The following CSMD2 variants were observed in gnomAD, a reference collection of about 807,000 sequenced individuals.
CSMD2 encodes the protein CUB and Sushi multiple domains 2, also known as CUB and sushi domain-containing protein 2.
Under a neutral mutation model 398.5 loss-of-function variants are expected in CSMD2, and 130 were observed. The observed-to-expected ratio is 0.33, with a 90% CI of 0.28 to 0.38. The LOEUF (loss-of-function observed/expected upper bound fraction) is 0.38, where lower values mean the gene tolerates loss of function less well. Ranked by LOEUF, CSMD2 falls within the 10% of genes least tolerant of loss-of-function variation. CSMD2 has a pLI of 1.00. For synonymous variants in CSMD2, 1,828 were observed against 1,908.5 expected (o/e 0.96, Z 1.10); for missense variants, 3,829 against 4,764.9 (o/e 0.80, Z 5.78).
chr1:33,931,375 G>C (rs1644307368), intron 4 of CSMD2, among the ~76,000 whole-genome samples: 1 of 152,146 alleles, frequency 6.6e-6, no homozygotes, highest in Non-Finnish European at 1.5e-5. Flanking sequence ...AGGAAGAACA[G>C]TTTGGGAAAT....
chr1:33,584,706 T>TA (rs1638960981), intron 46 of CSMD2, among the ~76,000 whole-genome samples: 1 of 150,876 alleles, frequency 6.6e-6, no homozygotes, highest in Admixed American at 6.6e-5. Context: ...TATATATATA[T>TA]TATGAAATAA....
chr1:33,615,651 A>T (rs1365502816), intron 39 of CSMD2, among the ~76,000 whole-genome samples: 2 of 152,222 alleles, frequency 1.3e-5, no homozygotes, highest in Non-Finnish European at 2.9e-5. Flanking sequence ...TTTACTTGGG[A>T]CAAGGCTGGC....
intron 3 of CSMD2, among the ~76,000 whole-genome samples, chr1:33,986,775 G>A (rs1007101675): frequency 7.2e-5 from 11 of 152,214 alleles, no homozygotes; most frequent in African/African-American, 2.7e-4. Context: ...GTAACTCAGG[G>A]CACTGGGCAT....
chr1:33,653,706 C>A (rs570495023), intron 27 of CSMD2, among the ~76,000 whole-genome samples: 157 of 152,088 alleles, frequency 1.0e-3, no homozygotes, highest in Non-Finnish European at 1.5e-3. Context: ...TGTACCGTGG[C>A]ATGAGGACTG....
chr1:33,570,675 G>A (rs755854095), intron 51 of CSMD2, among the ~76,000 whole-genome samples: 2 of 152,174 alleles, frequency 1.3e-5, no homozygotes, highest in Non-Finnish European at 2.9e-5. Flanking sequence ...TTCCCCAGCT[G>A]CTGGAAAACA....
At chr1:34,057,046 A>T (rs1019653250) in intron 2 of CSMD2, among the ~76,000 whole-genome samples, 1 of 152,280 alleles carries the variant, frequency 6.6e-6, no homozygotes, top group East Asian at 1.9e-4. Flanking sequence ...GCTCCAACCA[A>T]TGAACTATGG....
At chr1:33,801,894 A>G (rs999368807) in intron 10 of CSMD2, among the ~76,000 whole-genome samples, 1 of 152,194 alleles carries the variant, frequency 6.6e-6, no homozygotes, top group East Asian at 1.9e-4. Context: ...TGGGGCAGAG[A>G]GACCACTGTG....
chr1:34,131,010 A>G (rs932399820), intron 1 of CSMD2, among the ~76,000 whole-genome samples: 1 of 152,090 alleles, frequency 6.6e-6, no homozygotes, highest in Non-Finnish European at 1.5e-5. Flanking sequence ...TGTTCAATAA[A>G]TGCTTGCATT....
intron 47 of CSMD2, among the ~76,000 whole-genome samples, chr1:33,581,550 A>G (rs796360862): frequency 0.042 from 5,876 of 140,056 alleles, 102 homozygotes; most frequent in African/African-American, 0.054. Context: ...AAAAAAAAAA[A>G]AAAAGAAAAG....
intron 25 of CSMD2, among the ~76,000 whole-genome samples, chr1:33,680,412 A>G (rs1204898329): frequency 2.6e-5 from 4 of 152,028 alleles, no homozygotes; most frequent in African/African-American, 9.7e-5. Flanking sequence ...GTTACTCTAC[A>G]CATCACGGTA....
At chr1:33,754,887 G>T (rs1648776070) in intron 13 of CSMD2, among the ~76,000 whole-genome samples, 1 of 152,086 alleles carries the variant, frequency 6.6e-6, no homozygotes, top group Non-Finnish European at 1.5e-5. Context: ...TTTGAAAATT[G>T]AGAGTGTTGC....
chr1:33,572,573 A>G lies in CSMD2; in HGVS notation c.7695T>C (p.Ala2565=). ...TGTCCAGACACTCTGCAGTGGCCTCAGCGCCTGCCTGGAGGTGGTAGCCTT... is the reference window on the plus strand; with the variant it reads ...TGTCCAGACACTCTGCAGTGGCCTCGGCGCCTGCCTGGAGGTGGTAGCCTT... ...CSEGYHLQAG[A]EATAECLDTG... Residue 2565 remains alanine (A), a synonymous_variant, in exon 50 of 71, where the codon GCT becomes GCC. Coordinates refer to ENST00000373381, the MANE Select transcript of CSMD2 (RefSeq NM_001281956.2). 1 of 1,614,128 alleles carries G rather than the reference A, an allele frequency of 6.2e-7. No individual in the cohort carries two copies. The highest frequency in any genetic ancestry group is 1.3e-5 in the African/African-American group (1 of 75,050).
intron 3 of CSMD2, among the ~76,000 whole-genome samples, chr1:34,020,524 T>C (rs1411124116): frequency 6.6e-6 from 1 of 152,118 alleles, no homozygotes; most frequent in African/African-American, 2.4e-5. Flanking sequence ...GTCATGCTGC[T>C]GGCCCACCCG....
At chr1:33,741,987 C>T (rs1476442958) in intron 14 of CSMD2, among the ~76,000 whole-genome samples, 1 of 152,222 alleles carries the variant, frequency 6.6e-6, no homozygotes, top group African/African-American at 2.4e-5. Flanking sequence ...TTAGCACACA[C>T]CAGGCCCTGT....
At chr1:34,016,324 G>A (rs1302552022) in intron 3 of CSMD2, among the ~76,000 whole-genome samples, 2 of 151,620 alleles carry the variant, frequency 1.3e-5, no homozygotes, top group African/African-American at 2.4e-5. Context: ...CCCCCAATAG[G>A]CCCTAGAGTG....
In CSMD2 at chr1:33,518,091, C is replaced by T. The variant is rs748778919; in HGVS notation, c.*53+1374G>A. ...GTGGCCCACTTGGCGGATTTTCCAC[C>T]GCCCTCACTGGGAATCCCTACCTGG... On this transcript the variant is annotated intron_variant, in intron 70 of 70. Coordinates refer to ENST00000373381, the MANE Select transcript of CSMD2 (RefSeq NM_001281956.2). This position sits in a 1 kb window ranked among gnomAD's most constrained non-coding sequence, Gnocchi z 4.3. 6.6e-6 allele frequency among the ~76,000 whole-genome samples: 1 copy of T among 152,240 alleles called. No individual in the cohort carries two copies. The highest frequency in any genetic ancestry group is 2.4e-5 in the African/African-American group (1 of 41,466).
In CSMD2 at chr1:33,600,923, G is replaced by T; in HGVS notation, c.6798C>A (p.Val2266=). 6.2e-7 allele frequency: 1 copy of T among 1,614,120 alleles called. No individual in the cohort carries two copies. The highest frequency in any genetic ancestry group is 8.5e-7 in the Non-Finnish European group (1 of 1,180,026). Residue 2266 remains valine, a synonymous_variant, in exon 44 of 71, where the codon GTC becomes GTA. Coordinates refer to ENST00000373381, the MANE Select transcript of CSMD2 (RefSeq NM_001281956.2). ...CTGCATCACGGTGGAACTTGAGCAG[G>T]ACCTGGTTGGATGAACTCTGCACTG... The part of the protein sequence containing the change: ...KKTVQSSSNQ[V]LLKFHRDAAT...
At chr1:33,847,342 G>A (rs143408962) in intron 5 of CSMD2, among the ~76,000 whole-genome samples, 63 of 151,364 alleles carry the variant, frequency 4.2e-4, no homozygotes, top group African/African-American at 1.2e-3. Flanking sequence ...CACCTGTAAC[G>A]CTTTCTCCTG....
intron 2 of CSMD2, among the ~76,000 whole-genome samples, chr1:34,069,489 G>A (rs1230403587): frequency 6.6e-6 from 1 of 152,156 alleles, no homozygotes; most frequent in Non-Finnish European, 1.5e-5. Flanking sequence ...TTGCTGATGA[G>A]GAAAAAGCAG....
Sources: allele counts gnomAD v4.1 joint callset (sites outside exome capture counted in the v4.1 genomes callset), GRCh38; gene constraint gnomAD v4.1.1; non-coding constraint Gnocchi (gnomAD v3.1); transcripts MANE v1.5; gene names NCBI Gene and HGNC (gene_info 2026-07-23, HGNC 2026-07-21).